The following WDR75 variants were observed in gnomAD, a reference collection of about 807,000 sequenced individuals.
WDR75 encodes the protein WD repeat-containing protein 75.
A neutral mutation model predicts 106.1 loss-of-function variants in WDR75; 52 were observed. That is an observed-to-expected ratio of 0.49 (90% CI 0.39 to 0.62). The LOEUF (loss-of-function observed/expected upper bound fraction) is 0.62, where lower values mean the gene tolerates loss of function less well. Ranked by LOEUF, WDR75 falls within the 20% of genes least tolerant of loss-of-function variation. The probability of loss-of-function intolerance (pLI) is 0.00; values close to 1 mark genes in which losing one functional copy is unlikely to be tolerated. For synonymous variants in WDR75, 333 were observed against 335.5 expected (o/e 0.99, Z 0.08); for missense variants, 905 against 970.3 (o/e 0.93, Z 0.89).
chr2:189,453,175 A>G (rs1295239791), intron 4 of WDR75, among the ~76,000 whole-genome samples: 1 of 152,178 alleles, frequency 6.6e-6, no homozygotes, highest in African/African-American at 2.4e-5. Context: ...CTTCAAACAT[A>G]GCACTCTTTT....
intron 17 of WDR75, among the ~76,000 whole-genome samples, chr2:189,470,560 A>G (rs538504889): frequency 7.9e-5 from 12 of 151,658 alleles, no homozygotes; most frequent in South Asian, 2.1e-4. Context: ...TTGATTTGCA[A>G]TTTTTAAAAT....
Position 189,470,102 on chromosome 2 carries a change from A to T in WDR75, c.1846A>T (p.Arg616Trp). ...GTTTGTATTTAAACCTAGTGAGCCA[A>T]GGCCATTGTATATTCAAAAGGGTAT... The part of the protein sequence containing the change: ...DLFVFKPSEP[R>W]PLYIQKGISR... Residue 616 changes from arginine (R) to tryptophan (W), a missense_variant, in exon 17 of 21, where the codon AGG becomes TGG. Transcript: ENST00000314761. 6.2e-7 allele frequency: 1 copy of T among 1,612,436 alleles called. No individual in the cohort carries two copies. The highest frequency in any genetic ancestry group is 2.2e-5 in the East Asian group (1 of 44,834).
rs765612507 is a variant in WDR75 at position 189,470,083 on chromosome 2, A to G, written c.1827A>G (p.Val609=). The G allele has an allele frequency of 5.0e-6, 8 of 1,611,470 alleles. No individual in the cohort carries two copies. The African/African-American group carries it at 9.4e-5, about 19-fold the overall frequency. The change falls in exon 17 of 21, where the codon GTA becomes GTG. Residue 609 remains valine (V), a synonymous_variant. Transcript: ENST00000314761. ...TTTGTTTTTTCCCTCTAGTGTTTGT[A>G]TTTAAACCTAGTGAGCCAAGGCCAT... ...SQSSVGSDLF[V]FKPSEPRPLY...
intron 3 of WDR75, 111 bp from the exon 4 acceptor site, chr2:189,451,694 A>T: frequency 1.2e-6 from 1 of 838,976 alleles, no homozygotes; most frequent in Non-Finnish European, 1.9e-6. Flanking sequence ...TACTCTCCTT[A>T]TGTTGGGAAT....
chr2:189,463,811 C>CT, intron 10 of WDR75, 35 bp from the exon 11 acceptor site: 1 of 1,613,336 alleles, frequency 6.2e-7, no homozygotes, highest in African/African-American at 1.3e-5. Context: ...GCATATTTCT[C>CT]TTATTTCACC....
chr2:189,455,443 A>T lies in WDR75; in HGVS notation c.497A>T (p.Glu166Val), dbSNP rs148324658. The T allele has an allele frequency of 6.2e-4, 988 of 1,603,296 alleles. 10 individuals are homozygous for T. The highest frequency in any genetic ancestry group is 1.3e-4 in the Non-Finnish European group (149 of 1,176,204). The stretch of plus-strand genomic sequence containing the variant: ...CCCAAGTGCATTGCCTTTGGAAACG[A>T]GGTAAATTTTGTTTTGTTCGTTTTC... ...QSPKCIAFGN[E>V]GVYVAAVREF... is the part of the protein sequence containing the mutation. Residue 166 changes from glutamate to valine, a missense_variant and splice_region_variant, in exon 5 of 21, where the codon GAG (glutamate) becomes GTG (valine). Coordinates refer to ENST00000314761, the MANE Select transcript of WDR75 (RefSeq NM_032168.3).
At position 189,474,871 on chromosome 2, in the gene WDR75, A is replaced by T. The variant is rs1687182254; in HGVS notation, c.2288+63A>T. On this transcript the variant is annotated intron_variant, in intron 20 of 20. Coordinates refer to ENST00000314761, the MANE Select transcript of WDR75 (RefSeq NM_032168.3). Reference sequence around the variant, plus strand: ...TTGGGAAACAGGATCGTTTGTGTTTATCCTTTTTTAGAGTATTCTTCCACT... The same window carrying T: ...TTGGGAAACAGGATCGTTTGTGTTTTTCCTTTTTTAGAGTATTCTTCCACT... 3.0e-6 allele frequency: 4 copies of T among 1,339,332 alleles called. No individual in the cohort carries two copies. The Admixed American group carries it at 5.5e-5, about 18-fold the overall frequency. 83.0% of individuals were successfully genotyped at this position (1,339,332 alleles called of 1,614,324 possible).
intron 2 of WDR75, chr2:189,449,227 T>A: frequency 7.7e-7 from 1 of 1,299,084 alleles, no homozygotes; most frequent in Non-Finnish European, 1.0e-6. Flanking sequence ...TTAATCCAAT[T>A]CCATTTTCCT....
chr2:189,449,632 G>C (rs1315968599), intron 2 of WDR75: 1 of 1,032,024 alleles, frequency 9.7e-7, no homozygotes, highest in African/African-American at 1.7e-5. Context: ...TTTGGTTGAG[G>C]TGCAGGGGCA....
At chr2:189,469,946 C>A in intron 16 of WDR75, 130 bp from the exon 17 acceptor site, 1 of 788,340 alleles carries the variant, frequency 1.3e-6, no homozygotes, top group South Asian at 1.8e-5. Context: ...TGAATCAAAG[C>A]CTAAAACAGT....
chr2:189,463,025 C>G (rs938330790), intron 9 of WDR75, among the ~76,000 whole-genome samples: 1 of 152,068 alleles, frequency 6.6e-6, no homozygotes, highest in Non-Finnish European at 1.5e-5. Context: ...CAGCTGTTAC[C>G]TGGGGGCAAG....
chr2:189,452,038 C>T, intron 4 of WDR75, 143 bp downstream of exon 4: 1 of 607,208 alleles, frequency 1.6e-6, no homozygotes, highest in Non-Finnish European at 2.8e-6. Context: ...TTATTGTGCT[C>T]ATTTGGAGAT....
At chr2:189,443,235 T>G (rs900109797) in intron 1 of WDR75, among the ~76,000 whole-genome samples, 4 of 152,214 alleles carry the variant, frequency 2.6e-5, no homozygotes, top group African/African-American at 9.7e-5. Flanking sequence ...CGGAGAAGAT[T>G]GCTGAGCAAA....
Position 189,467,438 on chromosome 2 carries a change from TTCTGAACATTA to T in WDR75, c.1448-28_1448-18del, listed in dbSNP as rs1419510672. 6.4e-7 allele frequency: 1 copy of T among 1,559,748 alleles called. No individual in the cohort carries two copies. Among genetic ancestry groups the T allele is most frequent in the Non-Finnish European group, 8.7e-7 (1 of 1,152,722 alleles). On this transcript the variant is annotated intron_variant, in intron 13 of 20. Transcript: ENST00000314761. ...TAGCATTCTCTAGCATTTACACAAT[TTCTGAACATTA>T]TGGCTTATATTTCCACAGAAAAAGC... is the stretch of plus-strand genomic sequence containing the variant.
At chr2:189,443,533 A>G (rs779980456) in intron 1 of WDR75, among the ~76,000 whole-genome samples, 9 of 152,184 alleles carry the variant, frequency 5.9e-5, no homozygotes, top group Non-Finnish European at 1.2e-4. Context: ...TTCTTCAATA[A>G]TGTTAACCTG....
chr2:189,474,452 T>C, intron 19 of WDR75, 120 bp downstream of exon 19: 1 of 1,210,172 alleles, frequency 8.3e-7, no homozygotes, highest in South Asian at 1.5e-5. Context: ...CCAAACTAAA[T>C]AACTAACAAC....
rs1285504850 is a variant in WDR75 at position 189,474,342 on chromosome 2, T to G, written c.2196+10T>G. 2 of 1,601,452 alleles carry G rather than the reference T, an allele frequency of 1.2e-6. No homozygotes were observed. Among genetic ancestry groups the G allele is most frequent in the Admixed American group, 1.8e-5 (1 of 56,896 alleles). ...ACCCGCAATTAGTGAGGTAAGTAAT[T>G]ATGAAAACCATGTGAAACAGATTAA... On this transcript the variant is annotated intron_variant, in intron 19 of 20. Coordinates refer to ENST00000314761, the MANE Select transcript of WDR75 (RefSeq NM_032168.3).
At chr2:189,452,387 G>A (rs1295713883) in intron 4 of WDR75, among the ~76,000 whole-genome samples, 3 of 151,926 alleles carry the variant, frequency 2.0e-5, no homozygotes, top group Admixed American at 6.6e-5. Context: ...GTGAAACCCC[G>A]TCTCTACTAA....
rs201125667 is a variant in WDR75 at position 189,441,543 on chromosome 2, G to C, written c.51G>C (p.Leu17Phe). ...IRVVRCGGSE[L>F]NFRRAVFSAD... ...TGGTTCGTTGTGGCGGCAGCGAGTT[G>C]AACTTTAGGAGAGCTGTGTTCTCTG... Residue 17 changes from leucine to phenylalanine, a missense_variant, in exon 1 of 21, where the codon TTG becomes TTC. By Grantham distance (22) the Leu-to-Phe change is conservative (BLOSUM62 0). Transcript: ENST00000314761. 1 of 1,563,582 alleles carries C rather than the reference G, an allele frequency of 6.4e-7. No individual in the cohort carries two copies.
Sources: allele counts gnomAD v4.1 joint callset (sites outside exome capture counted in the v4.1 genomes callset), GRCh38; gene constraint gnomAD v4.1.1; transcripts MANE v1.5; gene names NCBI Gene and HGNC (gene_info 2026-07-23, HGNC 2026-07-21).